Variants in TMEM178B observed in about 807,000 individuals in gnomAD.
TMEM178B encodes the protein transmembrane protein 178B.
In TMEM178B, 5 loss-of-function variants were observed where a neutral mutation model predicts 31.0. That is an observed-to-expected ratio of 0.16 (90% confidence interval 0.08 to 0.34). The LOEUF is 0.34. Ranked by LOEUF, TMEM178B falls within the 10% of genes least tolerant of loss-of-function variation. The probability of loss-of-function intolerance (pLI) is 1.00; values close to 1 mark genes in which losing one functional copy is unlikely to be tolerated. For missense variants in TMEM178B, 275 were observed against 400.3 expected (o/e 0.69, Z 2.67); for synonymous variants, 164 against 164.0 (o/e 1.00, Z 0.00).
chr7:141,074,426 A>T lies in TMEM178B; in HGVS notation c.116A>T (p.His39Leu). The part of the protein sequence containing the change: ...DHWYETDARK[H>L]RDRCKAFNTR... ...TGGTACGAGACGGACGCCAGGAAGCACAGGGACAGGTGCAAGGCCTTCAAC... is the reference window on the plus strand; with the variant it reads ...TGGTACGAGACGGACGCCAGGAAGCTCAGGGACAGGTGCAAGGCCTTCAAC... Residue 39 changes from histidine to leucine, a missense_variant, in exon 1 of 4, where the codon CAC becomes CTC. Physicochemically the swap from His to Leu is moderately conservative, Grantham distance 99. Coordinates refer to ENST00000565468, the MANE Select transcript of TMEM178B (RefSeq NM_001195278.2). The surrounding 1 kb of genome is among the most constrained non-coding windows in gnomAD (Gnocchi z 5.1). 2 of 1,536,140 alleles carry T rather than the reference A, an allele frequency of 1.3e-6. No homozygotes were observed. The highest frequency in any genetic ancestry group is 1.7e-6 in the Non-Finnish European group (2 of 1,146,872).
chr7:141,188,631 G>A (rs1454623090), intron 1 of TMEM178B, among the ~76,000 whole-genome samples: 1 of 152,178 alleles, frequency 6.6e-6, no homozygotes, highest in African/African-American at 2.4e-5. Flanking sequence ...TGCTTCCCTA[G>A]GTGTTATGAG....
intron 2 of TMEM178B, among the ~76,000 whole-genome samples, chr7:141,308,929 C>A (rs2116454238): frequency 6.6e-6 from 1 of 152,162 alleles, no homozygotes. Flanking sequence ...GTCAAACAAA[C>A]ATGGTATAAA....
chr7:141,213,345 A>C (rs1314024600), intron 2 of TMEM178B, among the ~76,000 whole-genome samples: 1 of 152,220 alleles, frequency 6.6e-6, no homozygotes, highest in Non-Finnish European at 1.5e-5. Flanking sequence ...GGGTTAGTTC[A>C]TGAGCAAACA....
At chr7:141,231,560 G>T (rs1488351603) in intron 2 of TMEM178B, among the ~76,000 whole-genome samples, 5 of 152,164 alleles carry the variant, frequency 3.3e-5, no homozygotes, top group Non-Finnish European at 7.4e-5. Flanking sequence ...ATTTGACATG[G>T]TATCTCCTCT....
At chr7:141,248,961 G>C (rs533300847) in intron 2 of TMEM178B, among the ~76,000 whole-genome samples, 1 of 152,170 alleles carries the variant, frequency 6.6e-6, no homozygotes, top group Non-Finnish European at 1.5e-5. Flanking sequence ...ATTTTGTTGC[G>C]TGCTCAGAGC....
chr7:141,163,240 G>A (rs1796205163), intron 1 of TMEM178B, among the ~76,000 whole-genome samples: 1 of 152,180 alleles, frequency 6.6e-6, no homozygotes, highest in African/African-American at 2.4e-5. Context: ...GCCAAAGCAT[G>A]TAATTCTCAT....
At chr7:141,269,788 G>A (rs922059491) in intron 2 of TMEM178B, among the ~76,000 whole-genome samples, 12 of 152,170 alleles carry the variant, frequency 7.9e-5, no homozygotes, top group African/African-American at 2.7e-4. Flanking sequence ...TTTGCGGCCA[G>A]GCAGGGTGGC....
chr7:141,476,574 G>A lies in TMEM178B; in HGVS notation c.*5788G>A, dbSNP rs990471572. The A allele has an allele frequency of 1.3e-5, 2 of 152,132 alleles. No individual in the cohort carries two copies. Among genetic ancestry groups the A allele is most frequent in the African/African-American group, 4.8e-5 (2 of 41,414 alleles). The allele number at this position is 152,132 out of a possible 1,614,324, so 9.4% of individuals were successfully genotyped here. A position where few individuals can be genotyped will look rare whatever the true frequency, so the allele number is the denominator to read the frequency against. ...ATGAGACCAAGTCTCAAGGAGCTGG[G>A]ATCTTCTTTCTCTTGTCAGTTGCTG... On this transcript the variant is annotated 3_prime_UTR_variant, in exon 4 of 4. Transcript: ENST00000565468.
intron 1 of TMEM178B, among the ~76,000 whole-genome samples, chr7:141,151,084 T>G (rs1795965790): frequency 6.6e-6 from 1 of 152,228 alleles, no homozygotes; most frequent in Non-Finnish European, 1.5e-5. Context: ...GTCTGCTCTC[T>G]ACAATATGCC....
At position 141,403,138 on chromosome 7, in the gene TMEM178B, C is replaced by T. The variant is rs145843859; in HGVS notation, c.497-34470C>T. On this transcript the variant is annotated intron_variant, in intron 2 of 3. Transcript: ENST00000565468. The stretch of plus-strand genomic sequence containing the variant: ...GGCTGTTAAGGCCAAAGCAAAACAC[C>T]GTGACAAAGTTATCTCACCCCTGGC... Among the ~76,000 whole-genome samples, 33 of 152,266 alleles carry T rather than the reference C, an allele frequency of 2.2e-4. No individual in the cohort carries two copies. The East Asian group carries it at 4.4e-3, about 21-fold the overall frequency.
At chr7:141,308,348 T>C (rs1315757937) in intron 2 of TMEM178B, among the ~76,000 whole-genome samples, 1 of 152,220 alleles carries the variant, frequency 6.6e-6, no homozygotes, top group African/African-American at 2.4e-5. Context: ...GGAAATGTGT[T>C]GTACATTTTT....
intron 2 of TMEM178B, among the ~76,000 whole-genome samples, chr7:141,383,917 G>C (rs1403495338): frequency 1.3e-5 from 2 of 152,138 alleles, no homozygotes; most frequent in Non-Finnish European, 2.9e-5. Context: ...ATTCTAACTG[G>C]TGTGAGATGG....
chr7:141,225,347 G>A (rs946254933), intron 2 of TMEM178B, among the ~76,000 whole-genome samples: 2 of 151,936 alleles, frequency 1.3e-5, no homozygotes, highest in African/African-American at 2.4e-5. Context: ...TTGTCCATTT[G>A]TTCAAAAGAA....
chr7:141,170,565 A>C lies in TMEM178B; in HGVS notation c.383-42026A>C, dbSNP rs186567049. Reference sequence around the variant, plus strand: ...TGGAATTTATGGAATTGCTCTGCAAATGATACAAAGGTCAGCTGTTACCGA... The same window carrying C: ...TGGAATTTATGGAATTGCTCTGCAACTGATACAAAGGTCAGCTGTTACCGA... On this transcript the variant is annotated intron_variant, in intron 1 of 3. Coordinates refer to ENST00000565468, the MANE Select transcript of TMEM178B (RefSeq NM_001195278.2). Among the ~76,000 whole-genome samples, 9 of 152,312 alleles carry C rather than the reference A, an allele frequency of 5.9e-5. No homozygotes were observed. In the East Asian group the frequency reaches 1.7e-3, roughly 29 times the overall value.
chr7:141,165,849 A>G (rs1480238655), intron 1 of TMEM178B, among the ~76,000 whole-genome samples: 2 of 152,218 alleles, frequency 1.3e-5, no homozygotes, highest in African/African-American at 4.8e-5. Flanking sequence ...TGGGATAATC[A>G]CTGTGTCTCT....
At chr7:141,105,397 C>T (rs1327105290) in intron 1 of TMEM178B, among the ~76,000 whole-genome samples, 1 of 152,106 alleles carries the variant, frequency 6.6e-6, no homozygotes, top group African/African-American at 2.4e-5. Context: ...GTCCTAGCTA[C>T]TTGGGAGGCT....
chr7:141,363,799 A>G (rs1242440442), intron 2 of TMEM178B, among the ~76,000 whole-genome samples: 8 of 152,158 alleles, frequency 5.3e-5, no homozygotes, highest in Non-Finnish European at 1.5e-5. Context: ...AGTTAAGTAG[A>G]GGACCCTTTC....
At chr7:141,144,566 A>T (rs966117756) in intron 1 of TMEM178B, among the ~76,000 whole-genome samples, 6 of 152,176 alleles carry the variant, frequency 3.9e-5, no homozygotes, top group Non-Finnish European at 1.5e-5. Flanking sequence ...TACAGTGCTG[A>T]ACCCAGACAC....
At chr7:141,290,235 G>T (rs549665772) in intron 2 of TMEM178B, among the ~76,000 whole-genome samples, 1 of 152,316 alleles carries the variant, frequency 6.6e-6, no homozygotes, top group South Asian at 2.1e-4. Flanking sequence ...CATCTGTTTG[G>T]TTCAGTTTTT....
Sources: gnomAD v4.1 joint callset for allele counts (sites outside exome capture counted in the v4.1 genomes callset) on GRCh38, gnomAD v4.1.1 for gene constraint, Gnocchi (gnomAD v3.1) non-coding constraint, MANE v1.5 for transcripts, NCBI Gene and HGNC (gene_info 2026-07-23, HGNC 2026-07-21) for gene names.